Variants in CSMD1 observed in about 807,000 individuals in gnomAD.
CSMD1 encodes CUB and sushi domain-containing protein 1.
In CSMD1, 213 loss-of-function variants were observed where a neutral mutation model predicts 417.5. That is an observed-to-expected ratio of 0.51 (90% CI 0.46 to 0.57). The LOEUF (loss-of-function observed/expected upper bound fraction) is 0.57. Among genes scored for constraint, CSMD1 ranks in the 20% least tolerant of loss-of-function variants. The pLI is 0.00. For missense variants in CSMD1, 6,923 were observed against 4,529.7 expected, an observed-to-expected ratio of 1.53 and a Z score of -15.17; for synonymous variants, 2,862 against 1,736.8, an observed-to-expected ratio of 1.65 and a Z score of -16.11.
At chr8:3,788,422 G>C (rs879558697) in intron 5 of CSMD1, among the ~76,000 whole-genome samples, 1 of 152,140 alleles carries the variant, frequency 6.6e-6, no homozygotes, top group Non-Finnish European at 1.5e-5. Flanking sequence ...TTCTGGAGGT[G>C]CCCAACAGAA....
At chr8:3,296,502 C>T (rs1803977217) in intron 25 of CSMD1, among the ~76,000 whole-genome samples, 1 of 152,012 alleles carries the variant, frequency 6.6e-6, no homozygotes, top group African/African-American at 2.4e-5. Context: ...GATGATATAC[C>T]AAGGCAGGAG....
intron 1 of CSMD1, among the ~76,000 whole-genome samples, chr8:4,965,495 G>A (rs190790027): frequency 6.6e-6 from 1 of 152,192 alleles, no homozygotes; most frequent in Non-Finnish European, 1.5e-5. Flanking sequence ...AAGGATGACT[G>A]AGTCTCTGCT....
chr8:3,330,422 G>A (rs899860010), intron 23 of CSMD1, among the ~76,000 whole-genome samples: 10 of 152,152 alleles, frequency 6.6e-5, no homozygotes, highest in African/African-American at 2.2e-4. Flanking sequence ...GCCATAAAAA[G>A]GAATGAGATC....
chr8:4,722,337 C>G (rs993520896), intron 1 of CSMD1, among the ~76,000 whole-genome samples: 6 of 151,982 alleles, frequency 3.9e-5, no homozygotes, highest in Non-Finnish European at 7.4e-5. Flanking sequence ...ATTTAATATC[C>G]ATGCAGATTT....
At chr8:3,136,109 A>C (rs1225590087) in intron 41 of CSMD1, among the ~76,000 whole-genome samples, 1 of 152,108 alleles carries the variant, frequency 6.6e-6, no homozygotes, top group Non-Finnish European at 1.5e-5. Flanking sequence ...CCCCTCATGC[A>C]TTACATCTAG....
intron 1 of CSMD1, among the ~76,000 whole-genome samples, chr8:4,673,145 G>A (rs1337649384): frequency 6.6e-6 from 1 of 151,936 alleles, no homozygotes; most frequent in Non-Finnish European, 1.5e-5. Context: ...GGACATTGAG[G>A]GGAAAAAGGG....
chr8:3,569,510 C>T (rs1467779890), intron 10 of CSMD1, among the ~76,000 whole-genome samples: 1 of 152,088 alleles, frequency 6.6e-6, no homozygotes, highest in Admixed American at 6.6e-5. Context: ...GCTTTTCTGT[C>T]CTATCTTATT....
At chr8:4,306,402 AAC>A (rs145494269) in intron 3 of CSMD1, among the ~76,000 whole-genome samples, 104,655 of 150,034 alleles carry the variant, frequency 0.7, 36,481 homozygotes, top group East Asian at 0.85. Context: ...AAACCTACAG[AAC>A]AAAAAAATAC....
chr8:4,328,089 A>T (rs1044068017), intron 3 of CSMD1, among the ~76,000 whole-genome samples: 2 of 152,170 alleles, frequency 1.3e-5, no homozygotes, highest in Admixed American at 1.3e-4. Flanking sequence ...ATGATATGTA[A>T]CAGAAACTAT....
At chr8:3,547,079 G>C (rs1377338308) in intron 10 of CSMD1, among the ~76,000 whole-genome samples, 1 of 152,182 alleles carries the variant, frequency 6.6e-6, no homozygotes, top group Non-Finnish European at 1.5e-5. Context: ...GACTTAGACA[G>C]CAGGACCAAT....
rs75233329 is a variant in CSMD1, at chr8:3,612,060, A to T, written c.1097+4650T>A. Among the ~76,000 whole-genome samples the T allele has an allele frequency of 3.2e-4, 49 of 152,238 alleles. 3 individuals are homozygous for T. In the East Asian group the frequency reaches 9.3e-3, roughly 29 times the overall value. ...ACAACTGGATTTTTAAAAATATTTA[A>T]TTAAAACAATGTTGTGCAACAGATT... On this transcript the variant is annotated intron_variant, in intron 8 of 69. Coordinates refer to ENST00000635120, the MANE Select transcript of CSMD1 (RefSeq NM_033225.6).
At chr8:4,436,833 T>G (rs1329081052) in intron 2 of CSMD1, among the ~76,000 whole-genome samples, 2 of 152,208 alleles carry the variant, frequency 1.3e-5, no homozygotes, top group East Asian at 1.9e-4. Flanking sequence ...GCCATGTTGG[T>G]GCAAATGAGT....
intron 10 of CSMD1, among the ~76,000 whole-genome samples, chr8:3,512,607 T>C (rs1292806605): frequency 6.6e-5 from 10 of 150,534 alleles, no homozygotes; most frequent in East Asian, 1.9e-4. Context: ...TTTCTTTTTT[T>C]TTTTTTTTTT....
At chr8:4,003,161 AG>A (rs1815829871) in intron 4 of CSMD1, among the ~76,000 whole-genome samples, 1 of 152,090 alleles carries the variant, frequency 6.6e-6, no homozygotes, top group Admixed American at 6.5e-5. Flanking sequence ...TGGGAGCCCT[AG>A]GAGGGTGGAT....
At chr8:4,658,920 A>G (rs1374146339) in intron 1 of CSMD1, among the ~76,000 whole-genome samples, 1 of 152,146 alleles carries the variant, frequency 6.6e-6, no homozygotes, top group Non-Finnish European at 1.5e-5. Context: ...ATACGTTGAT[A>G]TTAATAGAAC....
At chr8:3,466,393 G>A (rs544105498) in intron 12 of CSMD1, among the ~76,000 whole-genome samples, 2 of 151,324 alleles carry the variant, frequency 1.3e-5, no homozygotes, top group Admixed American at 6.6e-5. Context: ...AATATATGCT[G>A]TATATATTTT....
intron 1 of CSMD1, among the ~76,000 whole-genome samples, chr8:4,797,261 T>C (rs1309596498): frequency 6.6e-6 from 1 of 152,030 alleles, no homozygotes; most frequent in Non-Finnish European, 1.5e-5. Context: ...GCATGGTGAG[T>C]TTTAACTGTT....
chr8:4,725,437 T>G (rs534338640), intron 1 of CSMD1, among the ~76,000 whole-genome samples: 3 of 152,188 alleles, frequency 2.0e-5, no homozygotes, highest in Non-Finnish European at 4.4e-5. Flanking sequence ...GTTGTTGTTC[T>G]CCATTTCTAT....
rs554904986 is a variant in CSMD1 at position 4,684,724 on chromosome 8, C to G, written c.86-47166G>C. On this transcript the variant is annotated intron_variant, in intron 1 of 69. Coordinates refer to ENST00000635120, the MANE Select transcript of CSMD1 (RefSeq NM_033225.6). ...CCCTGTCTCAGGGAATGAAGGATAG[C>G]TGTAAAAATATTTTGAACTATAAAT... is the stretch of plus-strand genomic sequence containing the variant. Among the ~76,000 whole-genome samples, 94 of 152,104 alleles carry G rather than the reference C, an allele frequency of 6.2e-4. 1 individual carries two copies. Among genetic ancestry groups the G allele is most frequent in the Non-Finnish European group, 1.1e-3 (77 of 68,026 alleles).
Sources: allele counts gnomAD v4.1 joint callset (sites outside exome capture counted in the v4.1 genomes callset), GRCh38; gene constraint gnomAD v4.1.1; transcripts MANE v1.5; gene names NCBI Gene and HGNC (gene_info 2026-07-23, HGNC 2026-07-21).